Variants in LHFPL3 observed in about 807,000 individuals in gnomAD.
The protein encoded by LHFPL3 is LHFPL tetraspan subfamily member 3 protein.
Under a neutral mutation model 19.3 loss-of-function variants are expected in LHFPL3, and 5 were observed. That is an observed-to-expected ratio of 0.26 (90% CI 0.14 to 0.54). LHFPL3 has a LOEUF of 0.54. Ranked by LOEUF, LHFPL3 falls within the 20% of genes least tolerant of loss-of-function variation. The pLI, the probability that LHFPL3 is intolerant of heterozygous loss-of-function variation, is 0.94. For missense variants in LHFPL3, 249 were observed against 307.4 expected, an observed-to-expected ratio of 0.81 and a Z score of 1.42; for synonymous variants, 133 against 126.2, an observed-to-expected ratio of 1.05 and a Z score of -0.36.
chr7:104,389,462 A>G (rs2214088), intron 1 of LHFPL3, among the ~76,000 whole-genome samples: 62,810 of 151,942 alleles, frequency 0.41, 13,349 homozygotes, highest in Admixed American at 0.54. Flanking sequence ...TACAGACTCA[A>G]TGCAACCCCT....
At chr7:104,536,982 C>A (rs114323214) in intron 1 of LHFPL3, among the ~76,000 whole-genome samples, 1,942 of 152,332 alleles carry the variant, frequency 0.013, 40 homozygotes, top group African/African-American at 0.044. Flanking sequence ...TCTTCTACCT[C>A]GGATTAACCT....
intron 2 of LHFPL3, among the ~76,000 whole-genome samples, chr7:104,868,963 C>G (rs1308463459): frequency 6.6e-6 from 1 of 152,134 alleles, no homozygotes; most frequent in East Asian, 1.9e-4. Context: ...CTGACAAAAA[C>G]AAGAAATGGG....
intron 1 of LHFPL3, among the ~76,000 whole-genome samples, chr7:104,606,379 C>CAGACAACACCT (rs1791103312): frequency 1.3e-5 from 2 of 152,236 alleles, no homozygotes; most frequent in African/African-American, 4.8e-5. Context: ...GTCATGTCTA[C>CAGACAACACCT]AGACAACACC....
intron 2 of LHFPL3, chr7:104,759,588 G>T (rs969925055): frequency 1.3e-5 from 2 of 152,136 alleles, no homozygotes; most frequent in Non-Finnish European, 2.9e-5. Context: ...GTGTTGGACA[G>T]CACAGGCCTG....
At chr7:104,471,768 G>A (rs12705218) in intron 1 of LHFPL3, among the ~76,000 whole-genome samples, 45,131 of 151,968 alleles carry the variant, frequency 0.3, 7,237 homozygotes, top group Non-Finnish European at 0.37. Context: ...ATTATTTTCC[G>A]TTTGGATTCA....
intron 1 of LHFPL3, among the ~76,000 whole-genome samples, chr7:104,383,022 A>G (rs763354754): frequency 2.0e-4 from 31 of 152,232 alleles, no homozygotes; most frequent in Non-Finnish European, 3.2e-4. Context: ...GTGAGGCGCT[A>G]ATACATGGCA....
intron 1 of LHFPL3, among the ~76,000 whole-genome samples, chr7:104,477,341 A>G (rs1018231842): frequency 6.6e-5 from 10 of 152,176 alleles, no homozygotes; most frequent in South Asian, 4.1e-4. Context: ...CACTCATTCA[A>G]TAAATATCTA....
intron 1 of LHFPL3, among the ~76,000 whole-genome samples, chr7:104,333,101 C>T (rs1045112995): frequency 6.6e-6 from 1 of 152,138 alleles, no homozygotes; most frequent in African/African-American, 2.4e-5. Flanking sequence ...TTTTCTGCTT[C>T]TATGTTCTTG....
chr7:104,864,882 A>T (rs553918493), intron 2 of LHFPL3, among the ~76,000 whole-genome samples: 2 of 152,204 alleles, frequency 1.3e-5, no homozygotes, highest in African/African-American at 4.8e-5. Flanking sequence ...CAAAACTTCC[A>T]GAGGAATGAT....
chr7:104,465,352 A>G (rs572286250), intron 1 of LHFPL3, among the ~76,000 whole-genome samples: 2 of 152,160 alleles, frequency 1.3e-5, no homozygotes, highest in African/African-American at 4.8e-5. Context: ...AAGGGTTCCA[A>G]CCTCTGCCTG....
chr7:104,646,944 A>T (rs985860388), intron 1 of LHFPL3, among the ~76,000 whole-genome samples: 9 of 152,214 alleles, frequency 5.9e-5, no homozygotes, highest in African/African-American at 2.2e-4. Context: ...CATGAGCATG[A>T]GTATCTCACT....
At chr7:104,335,856 G>GAAAA (rs11399914) in intron 1 of LHFPL3, among the ~76,000 whole-genome samples, 11 of 134,750 alleles carry the variant, frequency 8.2e-5, no homozygotes, top group Non-Finnish European at 1.1e-4. Context: ...GGAGTAAAAT[G>GAAAA]AAAAAAAAAA....
chr7:104,782,725 A>G (rs192203799), intron 2 of LHFPL3, among the ~76,000 whole-genome samples: 6 of 152,312 alleles, frequency 3.9e-5, no homozygotes, highest in Admixed American at 3.3e-4. Context: ...ACTCCTTAGC[A>G]TAGCCAACTA....
intron 1 of LHFPL3, among the ~76,000 whole-genome samples, chr7:104,674,430 G>A (rs759050143): frequency 6.8e-5 from 10 of 147,626 alleles, no homozygotes; most frequent in Non-Finnish European, 1.2e-4. Flanking sequence ...GTGCAGTGGC[G>A]CAATCTTGGC....
chr7:104,405,346 C>T (rs1012853977), intron 1 of LHFPL3, among the ~76,000 whole-genome samples: 5 of 152,182 alleles, frequency 3.3e-5, no homozygotes, highest in Admixed American at 2.0e-4. Flanking sequence ...AATGTAAAAT[C>T]GGTCAGAAAT....
At chr7:104,428,304 T>G (rs192044091) in intron 1 of LHFPL3, among the ~76,000 whole-genome samples, 2 of 152,318 alleles carry the variant, frequency 1.3e-5, no homozygotes, top group East Asian at 3.9e-4. Flanking sequence ...TACTTATTAA[T>G]TAAATTGTGT....
chr7:104,521,201 A>G (rs967383909), intron 1 of LHFPL3, among the ~76,000 whole-genome samples: 3 of 152,014 alleles, frequency 2.0e-5, no homozygotes, highest in African/African-American at 7.3e-5. Flanking sequence ...TCATTTCGTT[A>G]TGTACCCAGT....
chr7:104,475,278 C>T (rs933362240), intron 1 of LHFPL3, among the ~76,000 whole-genome samples: 3 of 152,064 alleles, frequency 2.0e-5, no homozygotes, highest in East Asian at 1.9e-4. Context: ...GACTCATTAT[C>T]ATTAAATAAA....
chr7:104,367,910 CCCCA>C (rs1790527325), intron 1 of LHFPL3, among the ~76,000 whole-genome samples: 1 of 152,214 alleles, frequency 6.6e-6, no homozygotes, highest in Non-Finnish European at 1.5e-5. Context: ...GTAGTTATTT[CCCCA>C]AGGCTTACTT....
Sources: gnomAD v4.1 joint callset for allele counts (sites outside exome capture counted in the v4.1 genomes callset) on GRCh38, gnomAD v4.1.1 for gene constraint, MANE v1.5 for transcripts, NCBI Gene and HGNC (gene_info 2026-07-23, HGNC 2026-07-21) for gene names.